Variants in RBM47 observed in about 807,000 individuals in gnomAD.
RBM47 encodes RNA binding motif protein 47.
RBM47 carries 21 observed loss-of-function variants against 47.1 expected under a neutral mutation model. The observed-to-expected ratio is 0.45, with a 90% CI of 0.32 to 0.64. The LOEUF (loss-of-function observed/expected upper bound fraction) is 0.64. Among genes scored for constraint, RBM47 ranks in the 30% least tolerant of loss-of-function variants. The probability of loss-of-function intolerance (pLI) is 0.05; values close to 1 mark genes in which losing one functional copy is unlikely to be tolerated. For missense variants in RBM47, 708 were observed against 870.9 expected (o/e 0.81, Z 2.35); for synonymous variants, 375 against 361.7 (o/e 1.04, Z -0.42).
intron 1 of RBM47, among the ~76,000 whole-genome samples, chr4:40,600,997 A>AAAAAAAAAAAAG (rs1735227816): frequency 1.3e-5 from 2 of 150,372 alleles, no homozygotes; most frequent in Non-Finnish European, 3.0e-5. Flanking sequence ...AAAAAAAAAA[A>AAAAAAAAAAAAG]AAAAAGAAAG....
At chr4:40,590,259 G>A (rs908821806) in intron 1 of RBM47, among the ~76,000 whole-genome samples, 2 of 152,110 alleles carry the variant, frequency 1.3e-5, no homozygotes, top group Non-Finnish European at 2.9e-5. Flanking sequence ...GCTGGGCATG[G>A]TGGCTCACAC....
chr4:40,453,946 T>C (rs1715841147), intron 3 of RBM47, among the ~76,000 whole-genome samples: 1 of 152,210 alleles, frequency 6.6e-6, no homozygotes, highest in African/African-American at 2.4e-5. Flanking sequence ...TGAACACGTA[T>C]GTGTAATTTG....
chr4:40,564,019 G>A (rs1170135544), intron 1 of RBM47, among the ~76,000 whole-genome samples: 2 of 152,128 alleles, frequency 1.3e-5, no homozygotes, highest in Non-Finnish European at 2.9e-5. Context: ...AGACCAGCCT[G>A]GGCAACATAG....
intron 3 of RBM47, among the ~76,000 whole-genome samples, chr4:40,441,020 T>G (rs991278617): frequency 6.6e-6 from 1 of 152,160 alleles, no homozygotes; most frequent in African/African-American, 2.4e-5. Flanking sequence ...TTCAAGTGCT[T>G]GGAAGCTGGT....
intron 2 of RBM47, among the ~76,000 whole-genome samples, chr4:40,516,134 A>G (rs1725541565): frequency 6.6e-6 from 1 of 151,044 alleles, no homozygotes; most frequent in Non-Finnish European, 1.5e-5. Context: ...CCCGCCTCCT[A>G]ACGCCTCATC....
chr4:40,551,214 G>T (rs888597945), intron 1 of RBM47, among the ~76,000 whole-genome samples: 1 of 152,140 alleles, frequency 6.6e-6, no homozygotes, highest in Non-Finnish European at 1.5e-5. Flanking sequence ...AAAGAATGAA[G>T]AAAATACGGT....
At chr4:40,470,354 G>C (rs1295064382) in intron 2 of RBM47, among the ~76,000 whole-genome samples, 1 of 152,120 alleles carries the variant, frequency 6.6e-6, no homozygotes, top group African/African-American at 2.4e-5. Context: ...CAACTGGTTT[G>C]TTTTAATGTT....
At chr4:40,615,147 A>G (rs562048132) in intron 1 of RBM47, among the ~76,000 whole-genome samples, 15 of 152,218 alleles carry the variant, frequency 9.9e-5, no homozygotes, top group African/African-American at 3.4e-4. Flanking sequence ...AATAATAAAA[A>G]TAAGAAACCA....
intron 1 of RBM47, among the ~76,000 whole-genome samples, chr4:40,616,802 G>GC (rs754282053): frequency 5.7e-4 from 87 of 151,350 alleles, no homozygotes; most frequent in Non-Finnish European, 1.0e-3. Context: ...AATATTTACA[G>GC]CATGAATTTG....
chr4:40,557,096 C>A (rs1257045459), intron 1 of RBM47, among the ~76,000 whole-genome samples: 1 of 152,104 alleles, frequency 6.6e-6, no homozygotes, highest in Non-Finnish European at 1.5e-5. Flanking sequence ...CCCCTAAATT[C>A]ATTATTGGTG....
intron 2 of RBM47, among the ~76,000 whole-genome samples, chr4:40,488,489 A>AT (rs1721431296): frequency 6.6e-6 from 1 of 152,156 alleles, no homozygotes; most frequent in Non-Finnish European, 1.5e-5. Flanking sequence ...TCATACCTTC[A>AT]TTTGTTCTCA....
chr4:40,550,945 A>G (rs1729507858), intron 1 of RBM47, among the ~76,000 whole-genome samples: 1 of 151,922 alleles, frequency 6.6e-6, no homozygotes, highest in Non-Finnish European at 1.5e-5. Flanking sequence ...AAACATTTTG[A>G]AAAATTTAGA....
chr4:40,423,658 TTCTTTCTTTC>T lies in RBM47; in HGVS notation c.*2236_*2245del, dbSNP rs951155543. ...TTTTTTATTCTTTCTTTCTTTTTCT[TTCTTTCTTTC>T]TTTCTTTCTTTCTTTCTTTCTTTCT... On this transcript the variant is annotated 3_prime_UTR_variant, in exon 7 of 7. Coordinates refer to ENST00000295971, the MANE Select transcript of RBM47 (RefSeq NM_001098634.2). The T allele has an allele frequency of 7.5e-5, 2 of 26,568 alleles. No homozygotes were observed. Among genetic ancestry groups the T allele is most frequent in the African/African-American group, 1.5e-4 (1 of 6,550 alleles). The allele number at this position is 26,568 out of a possible 1,614,324, so 1.6% of individuals were successfully genotyped here. A position where few individuals can be genotyped will look rare whatever the true frequency, so the allele number is the denominator to read the frequency against.
intron 6 of RBM47, among the ~76,000 whole-genome samples, chr4:40,429,386 GA>G (rs748515835): frequency 8.0e-5 from 12 of 150,854 alleles, no homozygotes; most frequent in African/African-American, 2.7e-4. Context: ...TGTGAAGAAG[GA>G]AAAAAAAATT....
At chr4:40,531,454 T>C (rs1030535296) in intron 2 of RBM47, among the ~76,000 whole-genome samples, 3 of 151,086 alleles carry the variant, frequency 2.0e-5, no homozygotes, top group Non-Finnish European at 4.4e-5. Flanking sequence ...TTGGGTGTGG[T>C]TGGAGATAAG....
At chr4:40,539,546 G>A (rs1254158440) in intron 2 of RBM47, among the ~76,000 whole-genome samples, 1 of 151,868 alleles carries the variant, frequency 6.6e-6, no homozygotes, top group Non-Finnish European at 1.5e-5. Flanking sequence ...ATCGAGACCA[G>A]CCTGGCCAAC....
At chr4:40,538,608 A>G (rs1015928597) in intron 2 of RBM47, among the ~76,000 whole-genome samples, 1 of 150,954 alleles carries the variant, frequency 6.6e-6, no homozygotes, top group Non-Finnish European at 1.5e-5. Flanking sequence ...TATAGGTGTA[A>G]GCCATGGCGC....
intron 2 of RBM47, among the ~76,000 whole-genome samples, chr4:40,495,902 T>A (rs1178833197): frequency 2.6e-5 from 4 of 152,178 alleles, no homozygotes; most frequent in Admixed American, 6.5e-5. Flanking sequence ...GGAGAGAACC[T>A]TTTTCACTGA....
chr4:40,586,053 C>T (rs1434373295), intron 1 of RBM47, among the ~76,000 whole-genome samples: 1 of 152,228 alleles, frequency 6.6e-6, no homozygotes, highest in East Asian at 1.9e-4. Flanking sequence ...AAATGCCCAG[C>T]ACTATGCAAA....
Sources: gnomAD v4.1 joint callset for allele counts (sites outside exome capture counted in the v4.1 genomes callset) on GRCh38, gnomAD v4.1.1 for gene constraint, MANE v1.5 for transcripts, NCBI Gene and HGNC (gene_info 2026-07-23, HGNC 2026-07-21) for gene names.